Variants in FAM193A observed in about 807,000 individuals in gnomAD.
FAM193A encodes family with sequence similarity 193 member A.
In FAM193A, 22 loss-of-function variants were observed where a neutral mutation model predicts 126.5. The ratio of observed to expected loss-of-function variants is 0.17; its 90% CI spans 0.12 to 0.25. FAM193A has a LOEUF of 0.25. Among genes scored for constraint, FAM193A ranks in the 10% least tolerant of loss-of-function variants. The pLI is 1.00. For missense variants in FAM193A, 1,675 were observed against 1,672.8 expected (o/e 1.00, Z -0.02); for synonymous variants, 761 against 646.8 (o/e 1.18, Z -2.68).
At chr4:2,585,259 G>A (rs778567931) in intron 1 of FAM193A, among the ~76,000 whole-genome samples, 1 of 152,164 alleles carries the variant, frequency 6.6e-6, no homozygotes, top group Non-Finnish European at 1.5e-5. Context: ...AGGAATTACT[G>A]GGTCATAGTC....
At chr4:2,595,956 A>G (rs1740834607) in intron 1 of FAM193A, 128 bp from the exon 2 acceptor site, 4 of 589,212 alleles carry the variant, frequency 6.8e-6, no homozygotes, top group Non-Finnish European at 1.2e-5. Flanking sequence ...TATTCAATAC[A>G]TTTCCTATTT....
chr4:2,598,823 T>G (rs532480251), intron 2 of FAM193A, among the ~76,000 whole-genome samples: 2 of 151,354 alleles, frequency 1.3e-5, no homozygotes, highest in African/African-American at 2.4e-5. Context: ...TAGAGGGGAG[T>G]CTCTCTCTAC....
At chr4:2,631,246 C>G in intron 5 of FAM193A, 77 bp downstream of exon 5, 1 of 1,396,780 alleles carries the variant, frequency 7.2e-7, no homozygotes, top group Non-Finnish European at 9.8e-7. Flanking sequence ...GCTTCTCACG[C>G]ATGTGTGCCG....
chr4:2,671,991 A>T (rs983102271), intron 12 of FAM193A, 130 bp from the exon 13 acceptor site: 3 of 915,542 alleles, frequency 3.3e-6, no homozygotes, highest in Non-Finnish European at 5.0e-6. Context: ...GCCCTGGTCA[A>T]CTCAGGGTGT....
At position 2,662,985 on chromosome 4, in the gene FAM193A, G is replaced by A. The variant is rs1174528290; in HGVS notation, c.1893G>A (p.Lys631=). 2 of 1,612,444 alleles carry A rather than the reference G, an allele frequency of 1.2e-6. No homozygotes were observed. The highest frequency in any genetic ancestry group is 2.7e-5 in the African/African-American group (2 of 74,872). The part of the protein sequence containing the change: ...LNGGGENMAL[K]DESPQISSTS... Reference sequence around the variant, plus strand: ...GTGGCGGGGAAAACATGGCCCTGAAGGATGAGGTATGGACATGGCTTCTTC... The same window carrying A: ...GTGGCGGGGAAAACATGGCCCTGAAAGATGAGGTATGGACATGGCTTCTTC... The change falls in exon 11 of 21, where the codon AAG becomes AAA. Residue 631 remains lysine (K), a synonymous_variant. Coordinates refer to ENST00000637812, the MANE Select transcript of FAM193A (RefSeq NM_001366318.2).
chr4:2,732,560 T>C lies in FAM193A; in HGVS notation c.*692T>C, dbSNP rs879616139. The C allele has an allele frequency of 2.6e-5, 4 of 152,704 alleles. No homozygotes were observed. Among genetic ancestry groups the C allele is most frequent in the Non-Finnish European group, 4.4e-5 (3 of 68,172 alleles). The allele number at this position is 152,704 out of a possible 1,614,324, so 9.5% of individuals were successfully genotyped here. On this transcript the variant is annotated 3_prime_UTR_variant, in exon 21 of 21. Transcript: ENST00000637812. ...CTTTCTTTTTGAAAGATGGAATACA[T>C]TAGTACAGCAGGAGACCTCGGCTGC...
intron 12 of FAM193A, among the ~76,000 whole-genome samples, chr4:2,667,220 TC>T (rs1713219166): frequency 6.6e-6 from 1 of 152,240 alleles, no homozygotes; most frequent in Non-Finnish European, 1.5e-5. Context: ...ATTGTCTTGG[TC>T]TATCCAGGCT....
At position 2,536,904 on chromosome 4, in the gene FAM193A, TC is replaced by T; in HGVS notation, c.-8del. The T allele has an allele frequency of 6.8e-6, 1 of 146,706 alleles. No homozygotes were observed. The highest frequency in any genetic ancestry group is 1.8e-4 in the South Asian group (1 of 5,464). The allele number at this position is 146,706 out of a possible 1,614,324, so 9.1% of individuals were successfully genotyped here. ...CCCCCGCGCCCGCTCTGCGCCCCTC[TC>T]CCCGCCCGCCATGAGCCCAGCCGAC... On this transcript the variant is annotated 5_prime_UTR_variant, in exon 1 of 21. Coordinates refer to ENST00000637812, the MANE Select transcript of FAM193A (RefSeq NM_001366318.2).
intron 13 of FAM193A, among the ~76,000 whole-genome samples, chr4:2,678,278 C>T (rs964136258): frequency 3.3e-5 from 5 of 151,864 alleles, no homozygotes; most frequent in Non-Finnish European, 2.9e-5. Flanking sequence ...GCCACCGCGC[C>T]TGGCCTGTTT....
intron 2 of FAM193A, among the ~76,000 whole-genome samples, chr4:2,618,494 C>A (rs1185416339): frequency 6.6e-6 from 1 of 151,712 alleles, no homozygotes; most frequent in Non-Finnish European, 1.5e-5. Flanking sequence ...ATGGTGCGAT[C>A]TCGGCTCACT....
chr4:2,645,546 A>G (rs1344211586), intron 6 of FAM193A, among the ~76,000 whole-genome samples: 2 of 148,528 alleles, frequency 1.3e-5, no homozygotes, highest in African/African-American at 2.5e-5. Flanking sequence ...TTTTTTATTG[A>G]GGCATAGTTT....
At chr4:2,731,315 C>T (rs1411414618) in intron 20 of FAM193A, among the ~76,000 whole-genome samples, 1 of 151,204 alleles carries the variant, frequency 6.6e-6, no homozygotes, top group East Asian at 2.0e-4. Flanking sequence ...TTGCAGTGAG[C>T]CGAAACTGCC....
chr4:2,713,104 CA>C (rs529104464), intron 19 of FAM193A, among the ~76,000 whole-genome samples: 1,617 of 77,322 alleles, frequency 0.021, 13 homozygotes, highest in African/African-American at 0.047. Context: ...GACTCTGCTT[CA>C]AAAAAAAAAA....
intron 13 of FAM193A, among the ~76,000 whole-genome samples, chr4:2,683,631 T>A (rs904325904): frequency 2.6e-5 from 4 of 152,254 alleles, no homozygotes; most frequent in Non-Finnish European, 5.9e-5. Context: ...GCAGGTTGAA[T>A]AGAATATGTC....
intron 1 of FAM193A, among the ~76,000 whole-genome samples, chr4:2,542,056 C>A (rs1286897359): frequency 1.3e-5 from 2 of 151,500 alleles, no homozygotes; most frequent in Non-Finnish European, 2.9e-5. Flanking sequence ...CACTGCGTCA[C>A]CCCAGCTGGC....
intron 1 of FAM193A, among the ~76,000 whole-genome samples, chr4:2,590,704 A>G (rs775833418): frequency 6.6e-6 from 1 of 151,882 alleles, no homozygotes; most frequent in Non-Finnish European, 1.5e-5. Context: ...ATAATTTTGT[A>G]GTATAATGAA....
intron 7 of FAM193A, among the ~76,000 whole-genome samples, chr4:2,650,397 C>T (rs1176477278): frequency 2.0e-5 from 3 of 152,200 alleles, no homozygotes; most frequent in Non-Finnish European, 4.4e-5. Flanking sequence ...GAAGGAAAGA[C>T]CTTGAGAAGG....
intron 12 of FAM193A, among the ~76,000 whole-genome samples, chr4:2,664,974 C>T (rs1712943269): frequency 6.6e-6 from 1 of 152,150 alleles, no homozygotes; most frequent in Non-Finnish European, 1.5e-5. Flanking sequence ...TGAGGGATTG[C>T]ATCGAATTCT....
At chr4:2,727,730 G>A (rs1383554089) in intron 20 of FAM193A, among the ~76,000 whole-genome samples, 2 of 152,142 alleles carry the variant, frequency 1.3e-5, no homozygotes, top group East Asian at 3.8e-4. Flanking sequence ...TTGCCTAAAG[G>A]TAGGACATAA....
Sources: gnomAD v4.1 joint callset for allele counts (sites outside exome capture counted in the v4.1 genomes callset) on GRCh38, gnomAD v4.1.1 for gene constraint, MANE v1.5 for transcripts, NCBI Gene and HGNC (gene_info 2026-07-23, HGNC 2026-07-21) for gene names.